The following WDR37 variants were observed in gnomAD, a reference collection of about 807,000 sequenced individuals.
The protein encoded by WDR37 is WD repeat-containing protein 37.
WDR37 carries 19 observed loss-of-function variants against 62.9 expected under a neutral mutation model. That is an observed-to-expected ratio of 0.30 (90% confidence interval 0.21 to 0.44). The LOEUF (loss-of-function observed/expected upper bound fraction) is 0.44, where lower values mean the gene tolerates loss of function less well. Ranked by LOEUF, WDR37 falls within the 20% of genes least tolerant of loss-of-function variation. The pLI is 1.00. For synonymous variants in WDR37, 250 were observed against 260.9 expected, an observed-to-expected ratio of 0.96 and a Z score of 0.40; for missense variants, 474 against 657.6, an observed-to-expected ratio of 0.72 and a Z score of 3.05.
intron 1 of WDR37, among the ~76,000 whole-genome samples, chr10:1,066,430 A>C (rs1402099214): frequency 2.6e-5 from 4 of 152,172 alleles, no homozygotes; most frequent in Admixed American, 2.6e-4. Context: ...ACTAGGACTA[A>C]TGCAGAAAAA....
chr10:1,098,769 A>G (rs1268356144), intron 9 of WDR37, among the ~76,000 whole-genome samples: 1 of 152,162 alleles, frequency 6.6e-6, no homozygotes, highest in Non-Finnish European at 1.5e-5. Context: ...GAAGATGACT[A>G]ATTTCTGTTT....
At chr10:1,095,048 A>G (rs537971143) in intron 8 of WDR37, among the ~76,000 whole-genome samples, 112 of 151,122 alleles carry the variant, frequency 7.4e-4, no homozygotes, top group African/African-American at 2.6e-3. Context: ...TAGAGAGGAG[A>G]GTTAGACTGG....
intron 5 of WDR37, among the ~76,000 whole-genome samples, chr10:1,083,699 C>T (rs76701897): frequency 0.041 from 6,208 of 152,264 alleles, 419 homozygotes; most frequent in African/African-American, 0.14. Flanking sequence ...CTGTGTGTGT[C>T]GTCATTCGAG....
At chr10:1,085,899 G>A (rs1834185555) in intron 6 of WDR37, among the ~76,000 whole-genome samples, 1 of 152,214 alleles carries the variant, frequency 6.6e-6, no homozygotes, top group South Asian at 2.1e-4. Flanking sequence ...CTCAACAGTT[G>A]TAACTGGATT....
rs71376884 is a variant in WDR37, at chr10:1,064,583, C to CTTTTTTTTTTTT, written c.-40-7514_-40-7503dup. Among the ~76,000 whole-genome samples the CTTTTTTTTTTTT allele has an allele frequency of 3.0e-4, 21 of 70,484 alleles. 2 individuals carry two copies. The highest frequency in any genetic ancestry group is 1.1e-3 in the African/African-American group (19 of 16,558). The allele number at this position is 70,484 out of a possible 152,430, so 46.2% of individuals were successfully genotyped here. On this transcript the variant is annotated intron_variant, in intron 1 of 13. Transcript: ENST00000263150. ...GGAAACAATTTGAGTGACAATGGAT[C>CTTTTTTTTTTTT]TTTTTTTTTTTTTTTTTTTTTTTTT...
intron 11 of WDR37, among the ~76,000 whole-genome samples, chr10:1,116,322 C>T (rs780915820): frequency 5.4e-4 from 82 of 151,800 alleles, no homozygotes; most frequent in Non-Finnish European, 9.9e-4. Flanking sequence ...GTCACCCACC[C>T]CTCCCCGGGT....
chr10:1,106,087 G>A (rs548787398), intron 11 of WDR37, among the ~76,000 whole-genome samples: 2 of 152,254 alleles, frequency 1.3e-5, no homozygotes, highest in East Asian at 3.9e-4. Context: ...GCCCAGCCGT[G>A]TAAGGTCTTA....
Position 1,129,480 on chromosome 10 carries a change from A to C in WDR37, c.*136A>C. ...TGCTTTGTATATGTTCTTTTCACAT[A>C]GTGCCCAGCTTGCATGAAATGTACA... On this transcript the variant is annotated 3_prime_UTR_variant, in exon 14 of 14. Transcript: ENST00000263150. 3 of 1,288,188 alleles carry C rather than the reference A, an allele frequency of 2.3e-6. No individual in the cohort carries two copies. The highest frequency in any genetic ancestry group is 3.2e-6 in the Non-Finnish European group (3 of 943,234). The allele number at this position is 1,288,188 out of a possible 1,614,324, so 79.8% of individuals were successfully genotyped here.
At chr10:1,119,609 G>C (rs1417259101) in intron 11 of WDR37, among the ~76,000 whole-genome samples, 6 of 152,194 alleles carry the variant, frequency 3.9e-5, no homozygotes, top group Admixed American at 1.3e-4. Flanking sequence ...TGTGGTGCCT[G>C]TTGGCAGCAC....
intron 1 of WDR37, among the ~76,000 whole-genome samples, chr10:1,066,982 C>T (rs548048905): frequency 2.0e-5 from 3 of 152,296 alleles, no homozygotes; most frequent in Admixed American, 2.0e-4. Context: ...CCTGCCCCTC[C>T]ATGATTCAGT....
In WDR37 at chr10:1,056,798, C is replaced by A. The variant is rs1833188428; in HGVS notation, c.-211C>A. ...CGCGGGACTGGGGCGGGACTTCCGG[C>A]GACACCGGAAGTGCATTAGCGCCAG... On this transcript the variant is annotated 5_prime_UTR_variant, in exon 1 of 14. Coordinates refer to ENST00000263150, the MANE Select transcript of WDR37 (RefSeq NM_014023.4). 6.6e-6 allele frequency: 1 copy of A among 152,032 alleles called. No homozygotes were observed. The highest frequency in any genetic ancestry group is 1.5e-5 in the Non-Finnish European group (1 of 68,022). 9.4% of individuals were successfully genotyped at this position (152,032 alleles called of 1,614,324 possible).
Position 1,086,685 on chromosome 10 carries a change from T to C in WDR37, c.604+328T>C, listed in dbSNP as rs555464571. On this transcript the variant is annotated intron_variant, in intron 7 of 13. Coordinates refer to ENST00000263150, the MANE Select transcript of WDR37 (RefSeq NM_014023.4). ...ACAAAATACATATCTGTTTTAGAGG[T>C]TTACTTTTGATGTAGTGATAACTTG... Among the ~76,000 whole-genome samples the C allele has an allele frequency of 3.9e-5, 6 of 152,282 alleles. No homozygotes were observed. In the South Asian group the frequency reaches 1.2e-3, roughly 32 times the overall value.
At chr10:1,086,231 A>G (rs1834195866) in intron 6 of WDR37, 55 bp from the exon 7 acceptor site, 1 of 1,478,558 alleles carries the variant, frequency 6.8e-7, no homozygotes. Flanking sequence ...CTTTCATTTG[A>G]AAAACTATAA....
chr10:1,130,923 G>A lies in WDR37; in HGVS notation c.*1579G>A, dbSNP rs974008111. 1.3e-5 allele frequency: 2 copies of A among 152,116 alleles called. No homozygotes were observed. The highest frequency in any genetic ancestry group is 4.8e-5 in the African/African-American group (2 of 41,422). 9.4% of individuals were successfully genotyped at this position (152,116 alleles called of 1,614,324 possible). A position where few individuals can be genotyped will look rare whatever the true frequency, so the allele number is the denominator to read the frequency against. On this transcript the variant is annotated 3_prime_UTR_variant, in exon 14 of 14. Transcript: ENST00000263150. ...GACCCTGAAATGACTGACAGCCCCG[G>A]GCCCAAGAAAAACCCATAACCACCT...
chr10:1,124,657 AGTGT>A (rs10522293), intron 12 of WDR37, among the ~76,000 whole-genome samples: 8,012 of 149,190 alleles, frequency 0.054, 461 homozygotes, highest in African/African-American at 0.15. Flanking sequence ...ACCATTGAGC[AGTGT>A]GTGTGTGTGT....
intron 8 of WDR37, among the ~76,000 whole-genome samples, chr10:1,094,551 C>A (rs150328503): frequency 2.6e-5 from 4 of 152,114 alleles, no homozygotes; most frequent in African/African-American, 9.7e-5. Context: ...CACCTTCATA[C>A]GTGGATGAAG....
intron 10 of WDR37, among the ~76,000 whole-genome samples, chr10:1,104,132 C>T (rs546738992): frequency 5.3e-5 from 8 of 152,284 alleles, no homozygotes; most frequent in East Asian, 3.9e-4. Flanking sequence ...TGTCTTAAAA[C>T]GACAGGAATT....
chr10:1,110,153 A>G (rs1200879898), intron 11 of WDR37, among the ~76,000 whole-genome samples: 1 of 152,172 alleles, frequency 6.6e-6, no homozygotes, highest in East Asian at 1.9e-4. Flanking sequence ...TTTGGCGCTA[A>G]TTTTGTTGCT....
chr10:1,069,389 A>ATATATATATATATATATATTTTTTT, intron 1 of WDR37, among the ~76,000 whole-genome samples: 1 of 95,800 alleles, frequency 1.0e-5, no homozygotes, highest in African/African-American at 4.7e-5. Flanking sequence ...ATATATATAT[A>ATATATATATATATATATATTTTTTT]TTTTTTTTTT....
Sources: allele counts gnomAD v4.1 joint callset (sites outside exome capture counted in the v4.1 genomes callset), GRCh38; gene constraint gnomAD v4.1.1; transcripts MANE v1.5; gene names NCBI Gene and HGNC (gene_info 2026-07-23, HGNC 2026-07-21).